The following PRKCE variants were observed in gnomAD, a reference collection of about 807,000 sequenced individuals.
PRKCE encodes protein kinase C epsilon type.
A neutral mutation model predicts 85.4 loss-of-function variants in PRKCE; 16 were observed. That is an observed-to-expected ratio of 0.19 (90% CI 0.13 to 0.28). PRKCE has a LOEUF of 0.28. Among genes scored for constraint, PRKCE ranks in the 10% least tolerant of loss-of-function variants. The pLI, the probability that PRKCE is intolerant of heterozygous loss-of-function variation, is 1.00. For missense variants in PRKCE, 573 were observed against 975.2 expected, an observed-to-expected ratio of 0.59 and a Z score of 5.49; for synonymous variants, 388 against 371.5, an observed-to-expected ratio of 1.04 and a Z score of -0.51.
intron 1 of PRKCE, among the ~76,000 whole-genome samples, chr2:45,776,862 C>T (rs1189492016): frequency 6.6e-6 from 1 of 152,190 alleles, no homozygotes; most frequent in Non-Finnish European, 1.5e-5. Context: ...TTTGAAGAGT[C>T]CACAGACCAT....
intron 9 of PRKCE, among the ~76,000 whole-genome samples, chr2:46,008,242 G>A (rs931303551): frequency 4.6e-5 from 7 of 152,156 alleles, no homozygotes; most frequent in African/African-American, 1.7e-4. Flanking sequence ...CTCTGCCCTT[G>A]GTGCCATTCT....
intron 11 of PRKCE, among the ~76,000 whole-genome samples, chr2:46,137,973 C>G (rs1675160200): frequency 6.6e-6 from 1 of 152,116 alleles, no homozygotes; most frequent in Non-Finnish European, 1.5e-5. Flanking sequence ...ATTTTCCTAC[C>G]CTAATAAATT....
rs1056027937 is a variant in PRKCE, at chr2:46,001,711, G to T, written c.966+165G>T. Among the ~76,000 whole-genome samples the T allele has an allele frequency of 1.3e-5, 2 of 152,154 alleles. No homozygotes were observed. The highest frequency in any genetic ancestry group is 4.8e-5 in the African/African-American group (2 of 41,432). On this transcript the variant is annotated intron_variant, in intron 7 of 14. Coordinates refer to ENST00000306156, the MANE Select transcript of PRKCE (RefSeq NM_005400.3). This position sits in a 1 kb window ranked among gnomAD's most constrained non-coding sequence, Gnocchi z 4.4. ...AAAAACAAAGATAGAAGCCAGGCAG[G>T]TAACATTAATGTCTTCTTGAGCTCC...
In PRKCE at chr2:45,894,759, G is replaced by A. The variant is rs564056773; in HGVS notation, c.412+51696G>A. 5.3e-5 allele frequency among the ~76,000 whole-genome samples: 8 copies of A among 152,310 alleles called. No homozygotes were observed. The South Asian group carries it at 1.7e-3, about 32-fold the overall frequency. On this transcript the variant is annotated intron_variant, in intron 2 of 14. Coordinates refer to ENST00000306156, the MANE Select transcript of PRKCE (RefSeq NM_005400.3). The stretch of plus-strand genomic sequence containing the variant: ...TTTGTTTGCGATGGAGTCTCACCAT[G>A]TCGCCCAGGCTGGAGTGCAATGACG...
rs1391794573 is a variant in PRKCE at position 46,068,467 on chromosome 2, A to G, written c.1438-17741A>G. On this transcript the variant is annotated intron_variant, in intron 10 of 14. Transcript: ENST00000306156. This position sits in a 1 kb window ranked among gnomAD's most constrained non-coding sequence, Gnocchi z 4.3. ...ATCAGTCATTATTTATTGGTGTACC[A>G]TTAGGTGCAAGGTATAATTCCTACT... Among the ~76,000 whole-genome samples, 1 of 152,222 alleles carries G rather than the reference A, an allele frequency of 6.6e-6. No individual in the cohort carries two copies. Among genetic ancestry groups the G allele is most frequent in the Non-Finnish European group, 1.5e-5 (1 of 68,048 alleles).
At chr2:46,110,548 A>G (rs1406972322) in intron 11 of PRKCE, among the ~76,000 whole-genome samples, 2 of 151,334 alleles carry the variant, frequency 1.3e-5, no homozygotes, top group African/African-American at 2.4e-5. Flanking sequence ...CACTGCTTAC[A>G]TTTCTTATAT....
chr2:45,959,047 A>C (rs1400670791), intron 2 of PRKCE, among the ~76,000 whole-genome samples: 2 of 151,334 alleles, frequency 1.3e-5, no homozygotes, highest in African/African-American at 4.9e-5. Flanking sequence ...GTTAATGACT[A>C]ATTAAGTTGC....
At chr2:45,717,447 A>G (rs1558590759) in intron 1 of PRKCE, among the ~76,000 whole-genome samples, 1 of 152,256 alleles carries the variant, frequency 6.6e-6, no homozygotes, top group Non-Finnish European at 1.5e-5. Flanking sequence ...GTAAACATAG[A>G]TAAGTATGTA....
At chr2:45,756,977 G>A (rs770608979) in intron 1 of PRKCE, among the ~76,000 whole-genome samples, 73 of 152,192 alleles carry the variant, frequency 4.8e-4, no homozygotes, top group Non-Finnish European at 7.6e-4. Flanking sequence ...TCAGCTGGGC[G>A]TGGTGGCTCA....
chr2:46,163,087 C>T (rs1677937127), intron 14 of PRKCE, among the ~76,000 whole-genome samples: 1 of 152,258 alleles, frequency 6.6e-6, no homozygotes, highest in Non-Finnish European at 1.5e-5. Context: ...CTGTAACCAA[C>T]TCAGGGTTGA....
chr2:45,888,443 A>G (rs897867189), intron 2 of PRKCE, among the ~76,000 whole-genome samples: 2 of 150,854 alleles, frequency 1.3e-5, no homozygotes, highest in East Asian at 3.9e-4. Flanking sequence ...TAAAAAATGC[A>G]GAAGTAGTAT....
intron 1 of PRKCE, among the ~76,000 whole-genome samples, chr2:45,703,024 C>CA (rs1553382472): frequency 2.7e-5 from 4 of 147,628 alleles, no homozygotes; most frequent in South Asian, 2.1e-4. Flanking sequence ...CCTTTTTTCC[C>CA]CCCCCGTCAG....
At chr2:45,830,072 C>CA (rs34553119) in intron 1 of PRKCE, among the ~76,000 whole-genome samples, 2,869 of 108,378 alleles carry the variant, frequency 0.026, 61 homozygotes, top group African/African-American at 0.052. Flanking sequence ...GACTCCGTCT[C>CA]AAAAAAAAAA....
intron 2 of PRKCE, among the ~76,000 whole-genome samples, chr2:45,948,522 C>T (rs1224885929): frequency 6.6e-6 from 1 of 152,034 alleles, no homozygotes; most frequent in Non-Finnish European, 1.5e-5. Context: ...GCCTGTAGTC[C>T]CAGCTACTCA....
intron 2 of PRKCE, among the ~76,000 whole-genome samples, chr2:45,926,605 C>T (rs893990155): frequency 7.2e-5 from 11 of 152,174 alleles, no homozygotes; most frequent in South Asian, 6.2e-4. Context: ...AGTTGAAAGT[C>T]GGAGGCTGAG....
At chr2:46,178,897 C>T (rs1558533511) in intron 14 of PRKCE, among the ~76,000 whole-genome samples, 1 of 151,992 alleles carries the variant, frequency 6.6e-6, no homozygotes, top group South Asian at 2.1e-4. Flanking sequence ...CCATAGGAGC[C>T]GGGAGGAGGG....
At chr2:45,744,512 CTTTCTTTCTTTCTTTTTCT>C (rs1215622188) in intron 1 of PRKCE, among the ~76,000 whole-genome samples, 7 of 39,810 alleles carry the variant, frequency 1.8e-4, no homozygotes, top group African/African-American at 3.8e-4. Flanking sequence ...TTCTTTCTTT[CTTTCTTTCTTTCTTTTTCT>C]TTCCTTCTTT....
At chr2:45,756,525 C>CA (rs1489568361) in intron 1 of PRKCE, among the ~76,000 whole-genome samples, 2 of 152,318 alleles carry the variant, frequency 1.3e-5, no homozygotes, top group East Asian at 3.9e-4. Context: ...TTTGTCCATT[C>CA]AAAATCTGTC....
chr2:45,813,309 G>C (rs888624651), intron 1 of PRKCE, among the ~76,000 whole-genome samples: 1 of 152,140 alleles, frequency 6.6e-6, no homozygotes, highest in African/African-American at 2.4e-5. Flanking sequence ...TCAAAAGAAG[G>C]GCCTTGAAAT....
Sources: allele counts gnomAD v4.1 joint callset (sites outside exome capture counted in the v4.1 genomes callset), GRCh38; gene constraint gnomAD v4.1.1; non-coding constraint Gnocchi (gnomAD v3.1); transcripts MANE v1.5; gene names NCBI Gene and HGNC (gene_info 2026-07-23, HGNC 2026-07-21).